LRRC49: variants seen among roughly 807,000 people sequenced by gnomAD.
LRRC49 encodes the protein leucine-rich repeat-containing protein 49.
In LRRC49, 50 loss-of-function variants were observed where a neutral mutation model predicts 83.3. The ratio of observed to expected loss-of-function variants is 0.60; its 90% CI spans 0.48 to 0.76. The LOEUF (loss-of-function observed/expected upper bound fraction) is 0.76, where lower values mean the gene tolerates loss of function less well. Ranked by LOEUF, LRRC49 falls within the 30% of genes least tolerant of loss-of-function variation. LRRC49 has a pLI of 0.00. For synonymous variants in LRRC49, 286 were observed against 283.3 expected (o/e 1.01, Z -0.10); for missense variants, 704 against 809.1 (o/e 0.87, Z 1.58).
intron 14 of LRRC49, among the ~76,000 whole-genome samples, chr15:71,017,257 A>G (rs2038856664): frequency 6.6e-6 from 1 of 152,200 alleles, no homozygotes; most frequent in African/African-American, 2.4e-5. Flanking sequence ...ATTCCCAATC[A>G]CAAATCCCAA....
chr15:70,910,749 T>C (rs949966691), intron 5 of LRRC49, among the ~76,000 whole-genome samples: 1 of 152,200 alleles, frequency 6.6e-6, no homozygotes, highest in African/African-American at 2.4e-5. Flanking sequence ...TTCATTAAAC[T>C]AATATTTATT....
At chr15:71,043,800 T>A (rs1297254992) in intron 15 of LRRC49, among the ~76,000 whole-genome samples, 1 of 152,214 alleles carries the variant, frequency 6.6e-6, no homozygotes, top group Non-Finnish European at 1.5e-5. Context: ...CTGTGCCAGT[T>A]ATGAAGAATT....
At chr15:70,897,274 AT>A (rs1216820013) in intron 3 of LRRC49, among the ~76,000 whole-genome samples, 1 of 152,166 alleles carries the variant, frequency 6.6e-6, no homozygotes, top group Non-Finnish European at 1.5e-5. Context: ...GATGTATTGA[AT>A]TTTGTGAACC....
intron 5 of LRRC49, among the ~76,000 whole-genome samples, chr15:70,909,855 C>CACAG (rs761317305): frequency 6.6e-6 from 1 of 151,432 alleles, no homozygotes; most frequent in Non-Finnish European, 1.5e-5. Context: ...CACACACACA[C>CACAG]ACACACACAC....
intron 7 of LRRC49, among the ~76,000 whole-genome samples, chr15:70,930,519 A>G (rs890109160): frequency 4.6e-5 from 7 of 152,200 alleles, no homozygotes; most frequent in Admixed American, 4.6e-4. Flanking sequence ...CTTCATCTTA[A>G]TGTCAACAAC....
chr15:70,985,769 C>T (rs1320316174), intron 11 of LRRC49, among the ~76,000 whole-genome samples: 7 of 148,858 alleles, frequency 4.7e-5, no homozygotes, highest in African/African-American at 1.7e-4. Context: ...TTAGGTCTAA[C>T]ATTTAAGTCT....
intron 8 of LRRC49, among the ~76,000 whole-genome samples, chr15:70,948,393 G>A (rs1388572506): frequency 6.6e-6 from 1 of 152,036 alleles, no homozygotes; most frequent in African/African-American, 2.4e-5. Context: ...AACCCTTGGA[G>A]TCACGCCTTT....
At chr15:71,043,640 G>A (rs1488115263) in intron 15 of LRRC49, among the ~76,000 whole-genome samples, 1 of 152,172 alleles carries the variant, frequency 6.6e-6, no homozygotes, top group Non-Finnish European at 1.5e-5. Flanking sequence ...AGTTGGCTTG[G>A]AGGAGAGGAG....
intron 1 of LRRC49, among the ~76,000 whole-genome samples, chr15:70,868,979 A>G (rs2032969189): frequency 2.0e-5 from 3 of 152,252 alleles, no homozygotes; most frequent in Non-Finnish European, 4.4e-5. Flanking sequence ...AGATTAAAGT[A>G]TAGGGATGTC....
Position 70,911,561 on chromosome 15 carries a change from TA to T in LRRC49, c.535del (p.Ser179AlafsTer2), listed in dbSNP as rs1428558368. 40 of 1,583,074 alleles carry T rather than the reference TA, an allele frequency of 2.5e-5. No individual in the cohort carries two copies. The highest frequency in any genetic ancestry group is 3.3e-5 in the Non-Finnish European group (39 of 1,164,328). ...RIKKISNLEN[L>X]KSLDVLDLHG... is the part of the protein sequence containing the mutation. ...AAGAAAATCTCAAATCTGGAGAATC[TA>T]AAAAGCTTAGATGTCTTGGATCTTC... is the stretch of plus-strand genomic sequence containing the variant. On this transcript the variant is annotated frameshift_variant, in exon 6 of 16. Coordinates refer to ENST00000260382, the MANE Select transcript of LRRC49 (RefSeq NM_017691.5). LOFTEE classifies it high-confidence loss of function.
At chr15:70,945,266 T>TTA (rs778256217) in intron 8 of LRRC49, among the ~76,000 whole-genome samples, 2 of 152,196 alleles carry the variant, frequency 1.3e-5, no homozygotes, top group South Asian at 4.1e-4. Flanking sequence ...AACGTGGCTT[T>TTA]TATATGTCTG....
chr15:71,000,228 T>C (rs906711065), intron 11 of LRRC49, among the ~76,000 whole-genome samples: 6 of 152,262 alleles, frequency 3.9e-5, no homozygotes, highest in African/African-American at 1.4e-4. Flanking sequence ...TTGGGGTTTT[T>C]TTGTTCCTAG....
chr15:70,972,698 T>C (rs1342553285), intron 9 of LRRC49, among the ~76,000 whole-genome samples: 7 of 152,122 alleles, frequency 4.6e-5, no homozygotes, highest in Non-Finnish European at 5.9e-5. Flanking sequence ...CATTCTTTTT[T>C]CTCTAATCTT....
At chr15:71,024,566 A>G (rs752664081) in intron 14 of LRRC49, among the ~76,000 whole-genome samples, 4 of 152,188 alleles carry the variant, frequency 2.6e-5, no homozygotes, top group African/African-American at 4.8e-5. Flanking sequence ...CAACAACAGC[A>G]TAAACAAAAA....
intron 8 of LRRC49, among the ~76,000 whole-genome samples, chr15:70,946,043 A>G (rs1267404977): frequency 6.6e-6 from 1 of 152,176 alleles, no homozygotes; most frequent in East Asian, 1.9e-4. Flanking sequence ...GACTAAAACC[A>G]ATTAACATAT....
rs1024738292 is a variant in LRRC49 at position 71,045,870 on chromosome 15, C to G, written c.1858-3539C>G. Among the ~76,000 whole-genome samples the G allele has an allele frequency of 3.3e-5, 5 of 152,174 alleles. No individual in the cohort carries two copies. In the East Asian group the frequency reaches 7.7e-4, roughly 24 times the overall value. On this transcript the variant is annotated intron_variant, in intron 15 of 15. Transcript: ENST00000260382. Reference sequence around the variant, plus strand: ...CACCCCTACCACCCTCTATGTTGTTCCCATATTTATGTTGTTCCCATCTTC... The same window carrying G: ...CACCCCTACCACCCTCTATGTTGTTGCCATATTTATGTTGTTCCCATCTTC...
chr15:70,859,486 C>A, intron 1 of LRRC49: 1 of 694,970 alleles, frequency 1.4e-6, no homozygotes. Flanking sequence ...ACACGGTCAG[C>A]ATCATTGCTG....
intron 15 of LRRC49, among the ~76,000 whole-genome samples, chr15:71,042,244 C>CT (rs2039718200): frequency 6.6e-6 from 1 of 152,112 alleles, no homozygotes; most frequent in African/African-American, 2.4e-5. Flanking sequence ...CTACCTTGTC[C>CT]TTCCAAGTAG....
Position 71,008,407 on chromosome 15 carries a change from T to C in LRRC49, c.1198T>C (p.Leu400=). 1.2e-6 allele frequency: 2 copies of C among 1,612,764 alleles called. No homozygotes were observed. Among genetic ancestry groups the C allele is most frequent in the Non-Finnish European group, 1.7e-6 (2 of 1,179,018 alleles). The change falls in exon 12 of 16, where the codon TTA becomes CTA. Residue 400 remains leucine, a synonymous_variant. Coordinates refer to ENST00000260382, the MANE Select transcript of LRRC49 (RefSeq NM_017691.5). ...TCTAGACTCAGGACTCAACAATGCTTTACAAGGTTTATCTGTCATAGACAC... is the reference window on the plus strand; with the variant it reads ...TCTAGACTCAGGACTCAACAATGCTCTACAAGGTTTATCTGTCATAGACAC... ...GPLDSGLNNA[L]QGLSVIDTYL...
Sources: gnomAD v4.1 joint callset for allele counts (sites outside exome capture counted in the v4.1 genomes callset) on GRCh38, gnomAD v4.1.1 for gene constraint, MANE v1.5 for transcripts, NCBI Gene and HGNC (gene_info 2026-07-23, HGNC 2026-07-21) for gene names.